FGF14: variants seen among roughly 807,000 people sequenced by gnomAD.
The protein encoded by FGF14 is fibroblast growth factor 14.
FGF14 carries 5 observed loss-of-function variants against 25.5 expected under a neutral mutation model. That is an observed-to-expected ratio of 0.20 (90% CI 0.10 to 0.41). FGF14 has a LOEUF of 0.41. Among genes scored for constraint, FGF14 ranks in the 10% least tolerant of loss-of-function variants. The probability of loss-of-function intolerance (pLI) is 1.00; values close to 1 mark genes in which losing one functional copy is unlikely to be tolerated. For missense variants in FGF14, 222 were observed against 320.1 expected (o/e 0.69, Z 2.34); for synonymous variants, 138 against 118.3 (o/e 1.17, Z -1.08).
intron 1 of FGF14, among the ~76,000 whole-genome samples, chr13:101,969,311 C>T (rs889735816): frequency 1.3e-5 from 2 of 152,166 alleles, no homozygotes; most frequent in African/African-American, 4.8e-5. Flanking sequence ...CGCCTGTAAT[C>T]CCAGCACTTT....
At chr13:102,307,926 C>A (rs997317548) in intron 1 of FGF14, among the ~76,000 whole-genome samples, 4 of 152,092 alleles carry the variant, frequency 2.6e-5, no homozygotes, top group Non-Finnish European at 4.4e-5. Flanking sequence ...CCCAATAGCA[C>A]CCCATTTTCA....
chr13:102,042,208 A>C (rs1243579442), intron 1 of FGF14, among the ~76,000 whole-genome samples: 1 of 152,206 alleles, frequency 6.6e-6, no homozygotes. Flanking sequence ...CTGCATCTGC[A>C]TGGCAGCTGA....
chr13:101,914,905 A>G (rs1320579726), intron 1 of FGF14, among the ~76,000 whole-genome samples: 2 of 152,228 alleles, frequency 1.3e-5, no homozygotes, highest in African/African-American at 4.8e-5. Context: ...AAGTCATAAT[A>G]GATTGATCCT....
intron 3 of FGF14, among the ~76,000 whole-genome samples, chr13:101,803,436 T>C (rs2041015430): frequency 6.6e-6 from 1 of 152,128 alleles, no homozygotes; most frequent in African/African-American, 2.4e-5. Flanking sequence ...AGCTGAAACT[T>C]TGGTCTTAAA....
At chr13:102,061,803 T>C (rs752302066) in intron 1 of FGF14, among the ~76,000 whole-genome samples, 2 of 152,210 alleles carry the variant, frequency 1.3e-5, no homozygotes, top group Non-Finnish European at 2.9e-5. Flanking sequence ...CACTAAGCTG[T>C]TGAAAAGCCT....
chr13:102,303,361 T>G (rs1822593964), intron 1 of FGF14, among the ~76,000 whole-genome samples: 1 of 152,054 alleles, frequency 6.6e-6, no homozygotes, highest in Non-Finnish European at 1.5e-5. Flanking sequence ...CACTTTGTAT[T>G]GTTGTGCTTA....
At chr13:102,143,514 T>A (rs2046732331) in intron 1 of FGF14, among the ~76,000 whole-genome samples, 1 of 152,180 alleles carries the variant, frequency 6.6e-6, no homozygotes, top group Non-Finnish European at 1.5e-5. Context: ...TACTAAAATA[T>A]TGCCAATTCA....
chr13:102,038,652 T>G (rs2041587776), intron 1 of FGF14, among the ~76,000 whole-genome samples: 1 of 152,134 alleles, frequency 6.6e-6, no homozygotes, highest in South Asian at 2.1e-4. Flanking sequence ...TTGGTTGTAT[T>G]TGCTATATGC....
chr13:102,206,835 C>G (rs1360536206), intron 1 of FGF14, among the ~76,000 whole-genome samples: 3 of 152,130 alleles, frequency 2.0e-5, no homozygotes, highest in Non-Finnish European at 4.4e-5. Flanking sequence ...ACACAACAAG[C>G]TAAATATTCT....
At chr13:102,203,978 T>A (rs2049788098) in intron 1 of FGF14, among the ~76,000 whole-genome samples, 1 of 152,212 alleles carries the variant, frequency 6.6e-6, no homozygotes, top group African/African-American at 2.4e-5. Flanking sequence ...TGGGAAAGAC[T>A]ACATGACCAG....
chr13:101,776,398 C>T (rs2140001726), intron 3 of FGF14, among the ~76,000 whole-genome samples: 1 of 152,304 alleles, frequency 6.6e-6, no homozygotes, highest in East Asian at 1.9e-4. Flanking sequence ...GCGTACAGGG[C>T]ACACATGGAT....
At chr13:102,290,160 G>T (rs1160761924) in intron 1 of FGF14, among the ~76,000 whole-genome samples, 1 of 152,240 alleles carries the variant, frequency 6.6e-6, no homozygotes, top group South Asian at 2.1e-4. Context: ...CCAAGGTAAT[G>T]GGATTACGAA....
chr13:101,877,101 T>C (rs2045441971), intron 1 of FGF14, among the ~76,000 whole-genome samples: 1 of 152,162 alleles, frequency 6.6e-6, no homozygotes. Context: ...CTCTGTCTTC[T>C]GGAGTTGAAT....
chr13:101,734,534 C>T (rs2036040198), intron 3 of FGF14, among the ~76,000 whole-genome samples: 1 of 152,056 alleles, frequency 6.6e-6, no homozygotes, highest in African/African-American at 2.4e-5. Flanking sequence ...TAAATATTAG[C>T]CAAAAATTCA....
At chr13:102,238,367 C>G (rs1249856948) in intron 1 of FGF14, among the ~76,000 whole-genome samples, 1 of 152,170 alleles carries the variant, frequency 6.6e-6, no homozygotes, top group Non-Finnish European at 1.5e-5. Flanking sequence ...TCTTGTATAT[C>G]CTTTCAACAT....
chr13:101,987,216 C>A (rs2038634876), intron 1 of FGF14, among the ~76,000 whole-genome samples: 1 of 151,996 alleles, frequency 6.6e-6, no homozygotes, highest in Non-Finnish European at 1.5e-5. Context: ...ACTTTCCCAT[C>A]CCACTCCAGG....
chr13:102,265,948 T>C (rs1336470981), intron 1 of FGF14, among the ~76,000 whole-genome samples: 6 of 151,950 alleles, frequency 3.9e-5, no homozygotes, highest in Non-Finnish European at 8.8e-5. Context: ...ATTTAAAAAA[T>C]TGATTAAAAT....
intron 1 of FGF14, among the ~76,000 whole-genome samples, chr13:102,043,896 G>T (rs2041860068): frequency 6.6e-6 from 1 of 152,176 alleles, no homozygotes; most frequent in African/African-American, 2.4e-5. Context: ...CAACTGGATT[G>T]TTGTCATGGC....
chr13:102,342,805 G>A (rs991290005), intron 1 of FGF14, among the ~76,000 whole-genome samples: 5 of 152,056 alleles, frequency 3.3e-5, no homozygotes, highest in African/African-American at 1.2e-4. Flanking sequence ...GGGTCAATAG[G>A]CACATTTCCA....
Sources: gnomAD v4.1 joint callset for allele counts (sites outside exome capture counted in the v4.1 genomes callset) on GRCh38, gnomAD v4.1.1 for gene constraint, MANE v1.5 for transcripts, NCBI Gene and HGNC (gene_info 2026-07-23, HGNC 2026-07-21) for gene names.